Variants in KIFBP observed in about 807,000 individuals in gnomAD.
The protein encoded by KIFBP is kinesin family binding protein, also known as KIF-binding protein.
KIFBP carries 46 observed loss-of-function variants against 58.9 expected under a neutral mutation model. That is an observed-to-expected ratio of 0.78 (90% CI 0.62 to 1.00). The LOEUF is 1.00. Among genes scored for constraint, KIFBP ranks in the 50% least tolerant of loss-of-function variants. The pLI is 0.00. For synonymous variants in KIFBP, 241 were observed against 283.4 expected (o/e 0.85, Z 1.50); for missense variants, 651 against 752.9 (o/e 0.86, Z 1.58).
At chr10:69,006,362 CTG>C (rs1386301301) in intron 4 of KIFBP, among the ~76,000 whole-genome samples, 3 of 152,142 alleles carry the variant, frequency 2.0e-5, no homozygotes, top group Non-Finnish European at 4.4e-5. Flanking sequence ...AGAATTAACT[CTG>C]TAATAATTTT....
Position 68,993,626 on chromosome 10 carries a change from T to C in KIFBP, c.426+4368T>C, listed in dbSNP as rs183303423. Among the ~76,000 whole-genome samples, 9 of 152,138 alleles carry C rather than the reference T, an allele frequency of 5.9e-5. No homozygotes were observed. The East Asian group carries it at 1.7e-3, about 29-fold the overall frequency. ...TTTTTTTTTTTAAATTTAATTTAAT[T>C]TTATCTTTATAGAGATGGGGTCTCA... On this transcript the variant is annotated intron_variant, in intron 1 of 6. Transcript: ENST00000361983.
At chr10:69,005,674 G>GT in intron 3 of KIFBP, 58 bp from the exon 4 acceptor site, 1 of 1,342,512 alleles carries the variant, frequency 7.4e-7, no homozygotes, top group Admixed American at 1.9e-5. Flanking sequence ...CTCTGTCTCA[G>GT]GAAAAAAAAA....
Position 69,016,535 on chromosome 10 carries a change from A to G in KIFBP, c.*119A>G, listed in dbSNP as rs1290929282. 3.1e-6 allele frequency: 3 copies of G among 965,486 alleles called. No homozygotes were observed. The highest frequency in any genetic ancestry group is 4.8e-6 in the Non-Finnish European group (3 of 623,952). The allele number at this position is 965,486 out of a possible 1,614,324, so 59.8% of individuals were successfully genotyped here. On this transcript the variant is annotated 3_prime_UTR_variant, in exon 7 of 7. Transcript: ENST00000361983. Reference sequence around the variant, plus strand: ...GCCAGGTGAGTGCAGTTTGAACTTGAGATACAGTCAACTGAGTGTTTGCTA... The same window carrying G: ...GCCAGGTGAGTGCAGTTTGAACTTGGGATACAGTCAACTGAGTGTTTGCTA...
At chr10:68,996,195 T>C (rs1392264985) in intron 1 of KIFBP, among the ~76,000 whole-genome samples, 3 of 151,052 alleles carry the variant, frequency 2.0e-5, no homozygotes, top group Non-Finnish European at 4.4e-5. Flanking sequence ...AAATAAAATG[T>C]CAATAGTGAT....
chr10:68,993,508 A>G (rs186171261), intron 1 of KIFBP, among the ~76,000 whole-genome samples: 17 of 152,120 alleles, frequency 1.1e-4, no homozygotes, highest in East Asian at 5.8e-4. Context: ...TTATTACTCA[A>G]TTTTGTGTGT....
At chr10:69,015,051 T>C (rs1242748425) in intron 6 of KIFBP, among the ~76,000 whole-genome samples, 1 of 152,122 alleles carries the variant, frequency 6.6e-6, no homozygotes, top group Non-Finnish European at 1.5e-5. Flanking sequence ...GCCTCTCAAG[T>C]AGCTGGGATT....
chr10:69,008,636 T>A (rs1843561788), intron 4 of KIFBP, among the ~76,000 whole-genome samples: 2 of 151,906 alleles, frequency 1.3e-5, no homozygotes, highest in African/African-American at 4.8e-5. Context: ...CATTAATATT[T>A]TAACCTTTGA....
chr10:69,011,286 A>G, intron 6 of KIFBP: 1 of 327,024 alleles, frequency 3.1e-6, no homozygotes, highest in Non-Finnish European at 5.8e-6. Flanking sequence ...AAATAAATAA[A>G]ATAAATCTTA....
rs869186033 is a variant in KIFBP, at chr10:68,998,771, A to ATTT, written c.427-1633_427-1631dup. 1.9e-3 allele frequency among the ~76,000 whole-genome samples: 190 copies of ATTT among 99,864 alleles called. 1 individual carries two copies. In the East Asian group the frequency reaches 0.03, roughly 16 times the overall value. 65.5% of individuals were successfully genotyped at this position (99,864 alleles called of 152,430 possible). ...CATACATATATGTATATATATATAT[A>ATTT]TTTTTTTTTTTTTTTTTTTTTTGAG... On this transcript the variant is annotated intron_variant, in intron 1 of 6. Transcript: ENST00000361983.
At chr10:69,007,853 A>G (rs1027055159) in intron 4 of KIFBP, 3 of 152,230 alleles carry the variant, frequency 2.0e-5, no homozygotes, top group African/African-American at 7.2e-5. Flanking sequence ...TTTGACTTAC[A>G]TGACAAATAC....
chr10:68,997,769 C>T (rs1164771637), intron 1 of KIFBP, among the ~76,000 whole-genome samples: 1 of 152,162 alleles, frequency 6.6e-6, no homozygotes, highest in Non-Finnish European at 1.5e-5. Flanking sequence ...TTGGGAAACT[C>T]CTTTGACCAT....
At chr10:69,013,691 C>T (rs935559806) in intron 6 of KIFBP, among the ~76,000 whole-genome samples, 14 of 152,284 alleles carry the variant, frequency 9.2e-5, no homozygotes, top group African/African-American at 3.4e-4. Context: ...CTTAAAACTT[C>T]ATCACTTGGT....
intron 1 of KIFBP, among the ~76,000 whole-genome samples, chr10:68,992,562 T>C (rs1438706637): frequency 4.6e-5 from 7 of 152,136 alleles, no homozygotes; most frequent in African/African-American, 1.4e-4. Context: ...TTGTAAATGG[T>C]TTGGAAGAAG....
intron 1 of KIFBP, among the ~76,000 whole-genome samples, chr10:68,990,744 C>A (rs919428737): frequency 6.6e-6 from 1 of 151,966 alleles, no homozygotes; most frequent in Non-Finnish European, 1.5e-5. Flanking sequence ...CCCAGGAGGT[C>A]AAGGCTGCAG....
intron 2 of KIFBP, among the ~76,000 whole-genome samples, chr10:69,001,402 A>G (rs577275700): frequency 6.6e-6 from 1 of 152,322 alleles, no homozygotes; most frequent in South Asian, 2.1e-4. Context: ...TGAAAGGGAA[A>G]TAATCAGGCA....
At chr10:69,011,790 A>G (rs1843596955) in intron 6 of KIFBP, among the ~76,000 whole-genome samples, 1 of 145,730 alleles carries the variant, frequency 6.9e-6, no homozygotes, top group Non-Finnish European at 1.5e-5. Flanking sequence ...TCCTGGGTTC[A>G]AAGGATTCTC....
intron 1 of KIFBP, 43 bp downstream of exon 1, chr10:68,989,301 C>T (rs1453323075): frequency 8.7e-6 from 14 of 1,601,372 alleles, no homozygotes; most frequent in Non-Finnish European, 1.0e-5. Flanking sequence ...TGGCAAATGG[C>T]GAGGGATGGG....
intron 2 of KIFBP, among the ~76,000 whole-genome samples, chr10:69,000,827 C>T (rs908479237): frequency 6.6e-6 from 1 of 152,176 alleles, no homozygotes; most frequent in Non-Finnish European, 1.5e-5. Context: ...TCTAAACATT[C>T]TATTTTAGTT....
intron 1 of KIFBP, 84 bp from the exon 2 acceptor site, chr10:69,000,340 T>C (rs1202189545): frequency 7.9e-6 from 7 of 881,860 alleles, no homozygotes; most frequent in Non-Finnish European, 1.3e-5. Flanking sequence ...TGGTTGGTTA[T>C]AAGTATTGAC....
Sources: allele counts gnomAD v4.1 joint callset (sites outside exome capture counted in the v4.1 genomes callset), GRCh38; gene constraint gnomAD v4.1.1; transcripts MANE v1.5; gene names NCBI Gene and HGNC (gene_info 2026-07-23, HGNC 2026-07-21).